The following KIAA0825 variants were observed in gnomAD, a reference collection of about 807,000 sequenced individuals.
KIAA0825 encodes the protein uncharacterized protein KIAA0825.
KIAA0825 carries 119 observed loss-of-function variants against 147.6 expected under a neutral mutation model. That is an observed-to-expected ratio of 0.81 (90% CI 0.69 to 0.94). The LOEUF (loss-of-function observed/expected upper bound fraction) is 0.94. Ranked by LOEUF, KIAA0825 falls within the 40% of genes least tolerant of loss-of-function variation. The pLI, the probability that KIAA0825 is intolerant of heterozygous loss-of-function variation, is 0.00. For synonymous variants in KIAA0825, 470 were observed against 518.1 expected, an observed-to-expected ratio of 0.91 and a Z score of 1.26; for missense variants, 1,381 against 1,472.7, an observed-to-expected ratio of 0.94 and a Z score of 1.02.
At chr5:94,261,180 A>G (rs1359619282) in intron 20 of KIAA0825, among the ~76,000 whole-genome samples, 1 of 151,512 alleles carries the variant, frequency 6.6e-6, no homozygotes, top group African/African-American at 2.4e-5. Flanking sequence ...GTGCGTGCCT[A>G]TAGTCCCAGC....
rs76976847 is a variant in KIAA0825 at position 94,589,182 on chromosome 5, A to C, written c.-152-6599T>G. Among the ~76,000 whole-genome samples the C allele has an allele frequency of 4.0e-3, 609 of 152,260 alleles. 3 individuals carry two copies. The highest frequency in any genetic ancestry group is 0.014 in the African/African-American group (587 of 41,550). ...TAAAACAAAGAAACAACAACAACAA[A>C]AAAAACAGATTCCTGGGAATCTTGT... On this transcript the variant is annotated intron_variant, in intron 1 of 20. Coordinates refer to ENST00000682413, the MANE Select transcript of KIAA0825 (RefSeq NM_001145678.3).
chr5:94,462,358 G>C, intron 12 of KIAA0825, 29 bp downstream of exon 12: 1 of 1,152,384 alleles, frequency 8.7e-7, no homozygotes, highest in South Asian at 1.8e-5. Flanking sequence ...TATCATAATA[G>C]CTAAAAGGAA....
intron 17 of KIAA0825, among the ~76,000 whole-genome samples, chr5:94,395,055 CTA>C (rs1408061151): frequency 6.6e-6 from 1 of 152,130 alleles, no homozygotes; most frequent in Non-Finnish European, 1.5e-5. Flanking sequence ...ATAATAATGC[CTA>C]TCAGTTCCAA....
chr5:94,503,665 C>CAT (rs61207722), intron 5 of KIAA0825, among the ~76,000 whole-genome samples: 52,446 of 151,924 alleles, frequency 0.35, 11,235 homozygotes, highest in African/African-American at 0.61. Context: ...CTGACAATAT[C>CAT]TCTTGCTTCC....
At chr5:94,593,153 G>A in intron 1 of KIAA0825, 1 of 747,444 alleles carries the variant, frequency 1.3e-6, no homozygotes, top group Non-Finnish European at 2.5e-6. Flanking sequence ...CAGTTTGCTG[G>A]TGAGGCCCAC....
intron 20 of KIAA0825, among the ~76,000 whole-genome samples, chr5:94,182,140 C>T (rs1769681246): frequency 6.6e-6 from 1 of 151,840 alleles, no homozygotes; most frequent in African/African-American, 2.4e-5. Context: ...CTTCAGCGCA[C>T]CCTATAGACA....
intron 1 of KIAA0825, among the ~76,000 whole-genome samples, chr5:94,599,858 A>G (rs1786037389): frequency 6.6e-6 from 1 of 152,184 alleles, no homozygotes; most frequent in African/African-American, 2.4e-5. Context: ...TGGAGCTCAG[A>G]GGAATGTAAT....
chr5:94,565,015 T>C (rs189107042), intron 2 of KIAA0825, among the ~76,000 whole-genome samples: 142 of 135,098 alleles, frequency 1.1e-3, no homozygotes, highest in African/African-American at 4.1e-3. Context: ...TCTCCCTCTC[T>C]CTCTCTCTCT....
chr5:94,160,232 CTG>C (rs1402056710), intron 20 of KIAA0825, among the ~76,000 whole-genome samples: 1 of 152,070 alleles, frequency 6.6e-6, no homozygotes, highest in African/African-American at 2.4e-5. Context: ...TTTCTCACAT[CTG>C]TAATTCAGCT....
chr5:94,166,880 A>G (rs964003222), intron 20 of KIAA0825, among the ~76,000 whole-genome samples: 5 of 152,150 alleles, frequency 3.3e-5, no homozygotes, highest in African/African-American at 1.2e-4. Flanking sequence ...GTAAGATTGG[A>G]AACTATAGAA....
At chr5:94,448,443 C>T (rs1401455592) in intron 13 of KIAA0825, among the ~76,000 whole-genome samples, 1 of 151,730 alleles carries the variant, frequency 6.6e-6, no homozygotes, top group Non-Finnish European at 1.5e-5. Flanking sequence ...ATTTCATGTC[C>T]TTTTTGTTTC....
At chr5:94,247,079 A>T (rs1270395498) in intron 20 of KIAA0825, among the ~76,000 whole-genome samples, 1 of 152,140 alleles carries the variant, frequency 6.6e-6, no homozygotes, top group African/African-American at 2.4e-5. Context: ...AATGGTGGCA[A>T]AGTATGCAGC....
chr5:94,182,573 C>T (rs1769761447), intron 20 of KIAA0825, among the ~76,000 whole-genome samples: 1 of 151,872 alleles, frequency 6.6e-6, no homozygotes, highest in Non-Finnish European at 1.5e-5. Context: ...AATGTCCCTT[C>T]TTATGCCAAG....
intron 20 of KIAA0825, among the ~76,000 whole-genome samples, chr5:94,341,914 C>T (rs1237987356): frequency 6.6e-6 from 1 of 152,118 alleles, no homozygotes; most frequent in Non-Finnish European, 1.5e-5. Flanking sequence ...GCAATCTCGG[C>T]CAGACGCGGT....
intron 20 of KIAA0825, among the ~76,000 whole-genome samples, chr5:94,366,020 G>C (rs1745804410): frequency 6.6e-6 from 1 of 152,020 alleles, no homozygotes; most frequent in Non-Finnish European, 1.5e-5. Flanking sequence ...CCCAGGAACT[G>C]TCTTAGCACA....
intron 14 of KIAA0825, among the ~76,000 whole-genome samples, chr5:94,418,443 C>G (rs1344153581): frequency 6.6e-6 from 1 of 151,808 alleles, no homozygotes; most frequent in Non-Finnish European, 1.5e-5. Context: ...TATCTGTGTC[C>G]CTCACCCCTC....
rs769082743 is a variant in KIAA0825 at position 94,229,502 on chromosome 5, A to ATT, written c.3711-75380_3711-75379dup. 7.5e-3 allele frequency among the ~76,000 whole-genome samples: 1,037 copies of ATT among 138,800 alleles called. 6 individuals carry two copies. Among genetic ancestry groups the ATT allele is most frequent in the Non-Finnish European group, 0.012 (769 of 63,788 alleles). 91.1% of individuals were successfully genotyped at this position (138,800 alleles called of 152,430 possible). A position where few individuals can be genotyped will look rare whatever the true frequency, so the allele number is the denominator to read the frequency against. On this transcript the variant is annotated intron_variant, in intron 20 of 20. Coordinates refer to ENST00000682413, the MANE Select transcript of KIAA0825 (RefSeq NM_001145678.3). ...TTAATATGGAACTGGTCCATATTGA[A>ATT]TTTTTTTTTTTTTTTTGGTATTAGA...
At chr5:94,478,862 C>A (rs1762186747) in intron 6 of KIAA0825, among the ~76,000 whole-genome samples, 1 of 152,068 alleles carries the variant, frequency 6.6e-6, no homozygotes, top group South Asian at 2.1e-4. Context: ...AACAAAAATA[C>A]CATCAACTGT....
At chr5:94,473,256 G>A (rs917926244) in intron 8 of KIAA0825, 36 bp downstream of exon 8, 13 of 1,473,154 alleles carry the variant, frequency 8.8e-6, no homozygotes, top group Non-Finnish European at 1.1e-5. Context: ...ATCCCATCAT[G>A]CCAGTCAGCA....
Sources: gnomAD v4.1 joint callset for allele counts (sites outside exome capture counted in the v4.1 genomes callset) on GRCh38, gnomAD v4.1.1 for gene constraint, MANE v1.5 for transcripts, NCBI Gene and HGNC (gene_info 2026-07-23, HGNC 2026-07-21) for gene names.